IQGAP3: variants seen among roughly 807,000 people sequenced by gnomAD.
IQGAP3 encodes ras GTPase-activating-like protein IQGAP3.
Under a neutral mutation model 208.2 loss-of-function variants are expected in IQGAP3, and 165 were observed. That is an observed-to-expected ratio of 0.79 (90% CI 0.70 to 0.90). The LOEUF (loss-of-function observed/expected upper bound fraction) is 0.90, where lower values mean the gene tolerates loss of function less well. Ranked by LOEUF, IQGAP3 falls within the 40% of genes least tolerant of loss-of-function variation. The pLI is 0.00. For synonymous variants in IQGAP3, 703 were observed against 803.6 expected (o/e 0.87, Z 2.12); for missense variants, 1,811 against 2,043.1 (o/e 0.89, Z 2.19).
intron 13 of IQGAP3, among the ~76,000 whole-genome samples, chr1:156,552,846 G>T (rs1255536329): frequency 6.6e-6 from 1 of 152,230 alleles, no homozygotes; most frequent in African/African-American, 2.4e-5. Context: ...GGCCAAGATG[G>T]GAGGACAGTT....
intron 10 of IQGAP3, 29 bp downstream of exon 10, chr1:156,561,809 G>C (rs149563494): frequency 2.7e-5 from 43 of 1,609,830 alleles, no homozygotes; most frequent in South Asian, 5.5e-5. Context: ...TCACATACAG[G>C]GGGTGGCAGG....
chr1:156,531,045 G>T (rs2102356204), intron 33 of IQGAP3, 115 bp downstream of exon 33: 1 of 772,222 alleles, frequency 1.3e-6, no homozygotes, highest in East Asian at 2.5e-5. Flanking sequence ...GTGAGCACAG[G>T]TGTCTGCTTC....
Position 156,561,972 on chromosome 1 carries a change from C to G in IQGAP3, c.907G>C (p.Ala303Pro). Residue 303 changes from alanine (A) to proline (P), a missense_variant, in exon 10 of 38, where the codon GCC becomes CCC. By Grantham distance (27) the Ala-to-Pro change is conservative. Coordinates refer to ENST00000361170, the MANE Select transcript of IQGAP3 (RefSeq NM_178229.5). ...VHGALEVVDD[A>P]LERQSPEALL... ...GCTTCAGGGCTCTGTCTTTCCAGGG[C>G]ATCATCAACAACTTCTAGAGCCCCA... The G allele has an allele frequency of 6.2e-7, 1 of 1,612,968 alleles. No homozygotes were observed. The highest frequency in any genetic ancestry group is 1.3e-5 in the African/African-American group (1 of 74,876).
Position 156,548,146 on chromosome 1 carries a change from A to T in IQGAP3, c.2231T>A (p.Phe744Tyr). The change falls in exon 19 of 38, where the codon TTC becomes TAC. Residue 744 changes from phenylalanine (F) to tyrosine (Y), a missense_variant. By Grantham distance (22) the Phe-to-Tyr change is conservative. Coordinates refer to ENST00000361170, the MANE Select transcript of IQGAP3 (RefSeq NM_178229.5). ...VIQLQARLRG[F>Y]LVRQKFAEHS... ...CTCAGCAAACTTCTGCCGAACTAGG[A>T]AGCCACGGAGGCGGGCCTGGAGCTG... 1.2e-6 allele frequency: 2 copies of T among 1,614,010 alleles called. No homozygotes were observed. Among genetic ancestry groups the T allele is most frequent in the Non-Finnish European group, 1.7e-6 (2 of 1,179,942 alleles).
At chr1:156,529,250 G>T (rs570858841) in intron 34 of IQGAP3, among the ~76,000 whole-genome samples, 168 bp from the exon 35 acceptor site, 5 of 152,200 alleles carry the variant, frequency 3.3e-5, no homozygotes, top group Non-Finnish European at 7.3e-5. Flanking sequence ...AATCCTCAAG[G>T]CATGTCCTCA....
At chr1:156,569,632 C>G (rs981440990) in intron 1 of IQGAP3, among the ~76,000 whole-genome samples, 169 bp from the exon 2 acceptor site, 2 of 145,824 alleles carry the variant, frequency 1.4e-5, no homozygotes, top group Non-Finnish European at 3.0e-5. Context: ...CATTCTCCTG[C>G]GTCAGCCTCC....
At chr1:156,563,484 G>T (rs1676256868) in intron 7 of IQGAP3, 69 bp downstream of exon 7, 2 of 1,405,922 alleles carry the variant, frequency 1.4e-6, no homozygotes, top group Admixed American at 2.0e-5. Context: ...CCCATCCAAT[G>T]GCTGTGAGGC....
intron 26 of IQGAP3, among the ~76,000 whole-genome samples, chr1:156,537,618 T>A (rs1674756144): frequency 6.6e-6 from 1 of 152,162 alleles, no homozygotes; most frequent in Non-Finnish European, 1.5e-5. Context: ...GCGGCTGCGC[T>A]GCAAATAGTC....
At chr1:156,571,869 GTCTC>G (rs774173771) in intron 1 of IQGAP3, among the ~76,000 whole-genome samples, 1 of 152,116 alleles carries the variant, frequency 6.6e-6, no homozygotes, top group Non-Finnish European at 1.5e-5. Context: ...TCCAGCTCCA[GTCTC>G]TCTCTCTAAA....
intron 11 of IQGAP3, among the ~76,000 whole-genome samples, chr1:156,558,372 G>GA (rs1435635183): frequency 5.0e-5 from 2 of 39,836 alleles, no homozygotes; most frequent in African/African-American, 1.9e-4. Context: ...GGAGGGTGGT[G>GA]GGGGGGTCAG....
chr1:156,539,296 T>C, intron 25 of IQGAP3, 78 bp downstream of exon 25: 1 of 1,372,038 alleles, frequency 7.3e-7, no homozygotes, highest in Non-Finnish European at 1.0e-6. Flanking sequence ...CCTCAACAAG[T>C]TGTCACCTTG....
In IQGAP3 at chr1:156,561,947, G is replaced by T. The variant is rs753558277; in HGVS notation, c.932C>A (p.Ala311Asp). Residue 311 changes from alanine to aspartate, a missense_variant, in exon 10 of 38, where the codon GCC (alanine) becomes GAC (aspartate). Coordinates refer to ENST00000361170, the MANE Select transcript of IQGAP3 (RefSeq NM_178229.5). ...DDALERQSPE[A>D]LLKALQDPAL... Reference sequence around the variant, plus strand: ...AGGGTCTTGAAGGGCCTTGAGCAAGGCTTCAGGGCTCTGTCTTTCCAGGGC... The same window carrying T: ...AGGGTCTTGAAGGGCCTTGAGCAAGTCTTCAGGGCTCTGTCTTTCCAGGGC... The T allele has an allele frequency of 1.4e-5, 23 of 1,613,768 alleles. No individual in the cohort carries two copies. The South Asian group carries it at 2.4e-4, about 17-fold the overall frequency.
At chr1:156,530,861 T>C (rs919148083) in intron 33 of IQGAP3, among the ~76,000 whole-genome samples, 2 of 152,094 alleles carry the variant, frequency 1.3e-5, no homozygotes, top group Non-Finnish European at 2.9e-5. Flanking sequence ...GTGCAGGCCT[T>C]CCAGGGGAGC....
Position 156,534,633 on chromosome 1 carries a change from G to C in IQGAP3, c.3608C>G (p.Ala1203Gly), listed in dbSNP as rs769106341. 2 of 1,611,784 alleles carry C rather than the reference G, an allele frequency of 1.2e-6. No homozygotes were observed. Among genetic ancestry groups the C allele is most frequent in the Non-Finnish European group, 1.7e-6 (2 of 1,179,584 alleles). The change falls in exon 29 of 38, where the codon GCC becomes GGC. Residue 1203 changes from alanine (A) to glycine (G), a missense_variant. By Grantham distance (60) the Ala-to-Gly change is moderately conservative. Transcript: ENST00000361170. Reference sequence around the variant, plus strand: ...AGCCCCCAGGGCATGGCGCTGGGGGGCAGCCAGGGCTCCACCAGCTGCCAT... The same window carrying C: ...AGCCCCCAGGGCATGGCGCTGGGGGCCAGCCAGGGCTCCACCAGCTGCCAT... ...VAMAAGGALA[A>G]PQRHALGAVA... is the part of the protein sequence containing the mutation.
At position 156,534,582 on chromosome 1, in the gene IQGAP3, G is replaced by T; in HGVS notation, c.3659C>A (p.Ala1220Glu). ...GAVAQLLQHA[A>E]AGKAFSGQSQ... is the part of the protein sequence containing the mutation. ...CTGCCCAGAGAAGGCCTTGCCAGCC[G>T]CAGCGTGCTGTAGGAGCTGAGCCAC... is the stretch of plus-strand genomic sequence containing the variant. Residue 1220 changes from alanine (A) to glutamate (E), a missense_variant, in exon 29 of 38, where the codon GCG becomes GAG. Physicochemically the swap from Ala to Glu is moderately radical, Grantham distance 107 (BLOSUM62 -1). Coordinates refer to ENST00000361170, the MANE Select transcript of IQGAP3 (RefSeq NM_178229.5). The T allele has an allele frequency of 1.2e-6, 2 of 1,612,040 alleles. No homozygotes were observed. The highest frequency in any genetic ancestry group is 2.2e-5 in the South Asian group (2 of 90,892).
At position 156,543,961 on chromosome 1, in the gene IQGAP3, G is replaced by A. The variant is rs1372758791; in HGVS notation, c.2530+20C>T. 3.7e-6 allele frequency: 6 copies of A among 1,610,792 alleles called. No homozygotes were observed. In the Admixed American group the frequency reaches 1.0e-4, roughly 27 times the overall value. ...TCCTCTCCCTCCCAACAGCTGGGGA[G>A]GGTGGATCAGGCAGCTCACCTAATA... On this transcript the variant is annotated intron_variant, in intron 22 of 37. Coordinates refer to ENST00000361170, the MANE Select transcript of IQGAP3 (RefSeq NM_178229.5).
intron 16 of IQGAP3, 138 bp from the exon 17 acceptor site, chr1:156,548,886 G>T: frequency 1.2e-6 from 1 of 813,372 alleles, no homozygotes; most frequent in Non-Finnish European, 1.8e-6. Flanking sequence ...GAACATCCCA[G>T]GATGGACAGA....
At chr1:156,556,391 G>T in intron 12 of IQGAP3, 142 bp downstream of exon 12, 1 of 723,262 alleles carries the variant, frequency 1.4e-6, no homozygotes, top group South Asian at 1.8e-5. Flanking sequence ...GCTCAGTAAG[G>T]CAGGGATGGT....
rs1438463386 is a variant in IQGAP3, at chr1:156,537,198, T to C, written c.3405A>G (p.Ser1135=). 2.5e-6 allele frequency: 4 copies of C among 1,613,456 alleles called. No individual in the cohort carries two copies. Among genetic ancestry groups the C allele is most frequent in the Non-Finnish European group, 3.4e-6 (4 of 1,179,756 alleles). ...MTDKFLLAIT[S]SVDQIPYGMR... is the part of the protein sequence containing the mutation. ...GCACATACGGAATTTGGTCCACAGATGAGGTGATGGCTAAAAGGAACTTAT... is the reference window on the plus strand; with the variant it reads ...GCACATACGGAATTTGGTCCACAGACGAGGTGATGGCTAAAAGGAACTTAT... Residue 1135 remains serine (S), a synonymous_variant, in exon 27 of 38, where the codon TCA becomes TCG. Coordinates refer to ENST00000361170, the MANE Select transcript of IQGAP3 (RefSeq NM_178229.5).
Sources: allele counts gnomAD v4.1 joint callset (sites outside exome capture counted in the v4.1 genomes callset), GRCh38; gene constraint gnomAD v4.1.1; transcripts MANE v1.5; gene names NCBI Gene and HGNC (gene_info 2026-07-23, HGNC 2026-07-21).